Variants in ZNF600 observed in about 807,000 individuals in gnomAD.
ZNF600 encodes zinc finger protein 600, also known as zinc finger protein KR-ZNF1.
ZNF600 carries 4 observed loss-of-function variants against 7.3 expected under a neutral mutation model. The observed-to-expected ratio is 0.55, with a 90% confidence interval of 0.27 to 1.25. The LOEUF (loss-of-function observed/expected upper bound fraction) is 1.25. Among genes scored for constraint, ZNF600 ranks in the 50% most tolerant of loss-of-function variants. The pLI is 0.12. For synonymous variants in ZNF600, 290 were observed against 308.9 expected (o/e 0.94, Z 0.64); for missense variants, 911 against 922.1 (o/e 0.99, Z 0.16).
chr19:52,788,584 CA>C (rs1416750837), upstream of ZNF600, among the ~76,000 whole-genome samples: 2 of 152,172 alleles, frequency 1.3e-5, no homozygotes, highest in East Asian at 1.9e-4. Flanking sequence ...GGAAGACCTA[CA>C]AGGGCAATTT....
At chr19:52,776,889 G>A (rs2062680060) in intron 2 of ZNF600, among the ~76,000 whole-genome samples, 1 of 152,108 alleles carries the variant, frequency 6.6e-6, no homozygotes, top group African/African-American at 2.4e-5. Flanking sequence ...AGCTACTGGA[G>A]AGGCTGAGGC....
At chr19:52,809,672 G>T in the ZNF600 span, among the ~76,000 whole-genome samples, 1 of 152,224 alleles carries the variant, frequency 6.6e-6, no homozygotes, top group Non-Finnish European at 1.5e-5. Context: ...CAGACGTGGT[G>T]TTGGCTGCCT....
chr19:52,810,776 AACCC>A, the ZNF600 span: 2 of 529,458 alleles, frequency 3.8e-6, no homozygotes, highest in Admixed American at 3.5e-5. Flanking sequence ...AATAAAAAAA[AACCC>A]AAAAAAAACA....
At chr19:52,821,935 A>T in the ZNF600 span, among the ~76,000 whole-genome samples, 11 of 117,478 alleles carry the variant, frequency 9.4e-5, no homozygotes, top group South Asian at 2.3e-3. Context: ...AAAATAATAA[A>T]AAAAAAATTT....
At chr19:52,829,161 G>A in the ZNF600 span, among the ~76,000 whole-genome samples, 1 of 148,608 alleles carries the variant, frequency 6.7e-6, no homozygotes, top group Non-Finnish European at 1.5e-5. Context: ...ACCTCACTCA[G>A]CCTTATTTTT....
chr19:52,806,464 G>A, the ZNF600 span, among the ~76,000 whole-genome samples: 5 of 151,980 alleles, frequency 3.3e-5, no homozygotes, highest in African/African-American at 1.2e-4. Flanking sequence ...AAAGTGCTGG[G>A]ATTACAGGTG....
intron 3 of ZNF600, among the ~76,000 whole-genome samples, chr19:52,771,215 G>A (rs2062627679): frequency 2.0e-5 from 3 of 152,182 alleles, no homozygotes; most frequent in Admixed American, 6.6e-5. Flanking sequence ...CTGCAGGAAG[G>A]TGGCTGGGCT....
intron 1 of ZNF600, among the ~76,000 whole-genome samples, chr19:52,784,190 A>G (rs2062746193): frequency 6.6e-6 from 1 of 152,110 alleles, no homozygotes; most frequent in South Asian, 2.1e-4. Flanking sequence ...GGATCTTGAG[A>G]CCAGCCTGGG....
At chr19:52,833,612 T>C in the ZNF600 span, among the ~76,000 whole-genome samples, 7 of 151,752 alleles carry the variant, frequency 4.6e-5, no homozygotes, top group African/African-American at 1.5e-4. Context: ...GTAACATGAG[T>C]CTTTAGAAAT....
At chr19:52,782,983 T>C (rs1017922744) in intron 1 of ZNF600, among the ~76,000 whole-genome samples, 11 of 150,704 alleles carry the variant, frequency 7.3e-5, no homozygotes, top group African/African-American at 9.7e-5. Flanking sequence ...ACTTTTAATA[T>C]TCCTTTCATC....
chr19:52,795,955 G>A, the ZNF600 span, among the ~76,000 whole-genome samples: 543 of 151,826 alleles, frequency 3.6e-3, 1 homozygote, highest in South Asian at 0.016. Flanking sequence ...CAGCTGGATC[G>A]CCTCAGCCCT....
the ZNF600 span, chr19:52,808,230 T>C: frequency 6.5e-7 from 1 of 1,550,274 alleles, no homozygotes; most frequent in South Asian, 1.2e-5. Flanking sequence ...TTAGTTGTAG[T>C]GAATGTTCTC....
chr19:52,829,761 C>A, the ZNF600 span, among the ~76,000 whole-genome samples: 395 of 152,202 alleles, frequency 2.6e-3, 15 homozygotes, highest in Admixed American at 0.024. Flanking sequence ...ATCTACCCCC[C>A]TCAGCCTCCC....
intron 2 of ZNF600, 126 bp downstream of exon 4, chr19:52,778,700 G>T: frequency 7.7e-7 from 1 of 1,299,258 alleles, no homozygotes; most frequent in Non-Finnish European, 1.0e-6. Flanking sequence ...CTAAGGGCAG[G>T]CATGGCTGAG....
chr19:52,779,328 G>T (rs1256495142), intron 1 of ZNF600, among the ~76,000 whole-genome samples: 1 of 152,158 alleles, frequency 6.6e-6, no homozygotes, highest in Admixed American at 6.5e-5. Flanking sequence ...TATTACTGAG[G>T]GTGGGTTCCA....
the ZNF600 span, among the ~76,000 whole-genome samples, chr19:52,830,482 G>A: frequency 6.6e-6 from 1 of 151,984 alleles, no homozygotes; most frequent in African/African-American, 2.4e-5. Context: ...AAAACAACCA[G>A]TCACAAAAAA....
At chr19:52,787,606 C>G (rs1202423771), upstream of ZNF600, among the ~76,000 whole-genome samples, 2 of 151,476 alleles carry the variant, frequency 1.3e-5, no homozygotes, top group Non-Finnish European at 2.9e-5. Flanking sequence ...CACCTGTAAT[C>G]TCAGCACTTT....
the ZNF600 span, chr19:52,810,045 C>G: frequency 2.7e-6 from 2 of 738,020 alleles, no homozygotes; most frequent in Non-Finnish European, 4.9e-6. Flanking sequence ...GCTCCAGCCC[C>G]GCGCCCCATG....
chr19:52,827,901 C>T, the ZNF600 span, among the ~76,000 whole-genome samples: 1,689 of 152,058 alleles, frequency 0.011, 57 homozygotes, highest in African/African-American at 0.039. Context: ...TGGGTGAGTG[C>T]GAGCAAACGT....
Sources: allele counts gnomAD v4.1 joint callset (sites outside exome capture counted in the v4.1 genomes callset), GRCh38; gene constraint gnomAD v4.1.1; transcripts MANE v1.5; gene names NCBI Gene and HGNC (gene_info 2026-07-23, HGNC 2026-07-21).